The following ODAD2 variants were observed in gnomAD, a reference collection of about 807,000 sequenced individuals.
ODAD2 encodes outer dynein arm-docking complex subunit 2.
Under a neutral mutation model 106.8 loss-of-function variants are expected in ODAD2, and 89 were observed. The ratio of observed to expected loss-of-function variants is 0.83; its 90% CI spans 0.70 to 0.99. ODAD2 has a LOEUF of 0.99. Ranked by LOEUF, ODAD2 falls within the 50% of genes least tolerant of loss-of-function variation. The probability of loss-of-function intolerance (pLI) is 0.00; values close to 1 mark genes in which losing one functional copy is unlikely to be tolerated. For missense variants in ODAD2, 1,168 were observed against 1,238.5 expected, an observed-to-expected ratio of 0.94 and a Z score of 0.85; for synonymous variants, 404 against 436.2, an observed-to-expected ratio of 0.93 and a Z score of 0.92.
chr10:27,881,023 C>T (rs1189770152), intron 17 of ODAD2, among the ~76,000 whole-genome samples: 1 of 152,188 alleles, frequency 6.6e-6, no homozygotes, highest in African/African-American at 2.4e-5. Context: ...CCATCACTAT[C>T]AGCAATGTGG....
intron 16 of ODAD2, among the ~76,000 whole-genome samples, chr10:27,919,297 A>G (rs1844610428): frequency 6.6e-6 from 1 of 152,080 alleles, no homozygotes; most frequent in Admixed American, 6.6e-5. Context: ...GTTTGATCAC[A>G]GACAGTACAG....
In ODAD2 at chr10:27,944,230, T is replaced by C. The variant is rs760262894; in HGVS notation, c.1735A>G (p.Thr579Ala). ...ACATCACGGCTACTCACCAGTTTGG[T>C]GATACCCCCGTGCTGCCTCACCACC... ...RRVVRQHGGI[T>A]KLVALLDCAH... is the part of the protein sequence containing the mutation. Residue 579 changes from threonine (T) to alanine (A), a missense_variant, in exon 12 of 20, where the codon ACC (threonine) becomes GCC (alanine). Transcript: ENST00000305242. 1.2e-6 allele frequency: 2 copies of C among 1,611,556 alleles called. No homozygotes were observed. The highest frequency in any genetic ancestry group is 2.7e-5 in the African/African-American group (2 of 74,858).
intron 17 of ODAD2, among the ~76,000 whole-genome samples, chr10:27,900,467 G>A (rs531857585): frequency 1.3e-5 from 2 of 152,234 alleles, no homozygotes; most frequent in African/African-American, 2.4e-5. Flanking sequence ...TGAGTTTGAC[G>A]AATTGACAGA....
intron 16 of ODAD2, among the ~76,000 whole-genome samples, chr10:27,918,811 T>C (rs1482086711): frequency 2.0e-5 from 3 of 151,190 alleles, no homozygotes; most frequent in South Asian, 2.1e-4. Flanking sequence ...ACAAAAAAAA[T>C]TGGAAAAAAT....
chr10:27,860,565 G>T lies in ODAD2; in HGVS notation c.3021+60C>A, dbSNP rs949817740. 6.4e-5 allele frequency: 97 copies of T among 1,519,878 alleles called. No individual in the cohort carries two copies. The Middle Eastern group carries it at 1.1e-3, about 17-fold the overall frequency. The allele number at this position is 1,519,878 out of a possible 1,614,324, so 94.1% of individuals were successfully genotyped here. On this transcript the variant is annotated intron_variant, in intron 19 of 19. Transcript: ENST00000305242. The stretch of plus-strand genomic sequence containing the variant: ...TTAGAGAAATCTTAGTGATGCCTAA[G>T]TTTCTTTCCAGGCTACATTTACCAA...
intron 17 of ODAD2, among the ~76,000 whole-genome samples, chr10:27,895,041 G>A (rs1174873597): frequency 2.6e-4 from 36 of 136,308 alleles, no homozygotes; most frequent in African/African-American, 4.4e-4. Flanking sequence ...TCATCGGTAC[G>A]AAAAAAAAAA....
chr10:27,889,558 C>T lies in ODAD2; in HGVS notation c.2610+18105G>A, dbSNP rs552629028. On this transcript the variant is annotated intron_variant, in intron 17 of 19. Coordinates refer to ENST00000305242, the MANE Select transcript of ODAD2 (RefSeq NM_018076.5). ...CTCTTAGTCTTATGATCTCATGGGT[C>T]TCTACTGGTGGTGTTGAAGCTCCAC... 2.0e-5 allele frequency among the ~76,000 whole-genome samples: 3 copies of T among 152,194 alleles called. No homozygotes were observed. The South Asian group carries it at 6.2e-4, about 32-fold the overall frequency.
chr10:27,984,869 C>A (rs1588662894), intron 4 of ODAD2, 150 bp downstream of exon 4: 2 of 365,206 alleles, frequency 5.5e-6, no homozygotes, highest in African/African-American at 4.2e-5. Flanking sequence ...TTTAAAGGTT[C>A]CTTTTTAATT....
At chr10:27,859,558 C>G (rs936461221) in intron 19 of ODAD2, among the ~76,000 whole-genome samples, 2 of 151,988 alleles carry the variant, frequency 1.3e-5, no homozygotes, top group African/African-American at 4.8e-5. Context: ...TTTGCTAAAC[C>G]AACAAGTCCA....
intron 11 of ODAD2, 55 bp from the exon 12 acceptor site, chr10:27,944,486 A>G: frequency 6.7e-7 from 1 of 1,499,750 alleles, no homozygotes; most frequent in Non-Finnish European, 9.2e-7. Flanking sequence ...CTATGTTTTT[A>G]AAAATTCCGA....
intron 16 of ODAD2, 47 bp downstream of exon 16, chr10:27,934,963 T>C (rs201330310): frequency 5.5e-5 from 89 of 1,605,600 alleles, no homozygotes; most frequent in Middle Eastern, 5.0e-4. Flanking sequence ...TCCCAAGTGT[T>C]CTCCCTAACA....
In ODAD2 at chr10:27,940,641, C is replaced by T. The variant is rs749398179; in HGVS notation, c.1908G>A (p.Leu636=). The T allele has an allele frequency of 5.6e-6, 9 of 1,613,994 alleles. No individual in the cohort carries two copies. Among genetic ancestry groups the T allele is most frequent in the African/African-American group, 1.3e-5 (1 of 74,904 alleles). The change falls in exon 13 of 20, where the codon CTG becomes CTA. Residue 636 remains leucine (L), a synonymous_variant. Coordinates refer to ENST00000305242, the MANE Select transcript of ODAD2 (RefSeq NM_018076.5). ...GAGAAGTCTTCAGCAGCCGAGCCAA[C>T]AGAGGAATGCCCCCAGCTTTGCGGA... ...EAIRKAGGIP[L]LARLLKTSHE...
intron 19 of ODAD2, among the ~76,000 whole-genome samples, chr10:27,845,349 TC>T (rs1564420518): frequency 6.6e-6 from 1 of 152,048 alleles, no homozygotes; most frequent in Non-Finnish European, 1.5e-5. Context: ...AGAAATAAAA[TC>T]CTTTACAGAT....
At chr10:27,882,173 A>AAAAAG (rs1244028116) in intron 17 of ODAD2, among the ~76,000 whole-genome samples, 18 of 109,746 alleles carry the variant, frequency 1.6e-4, no homozygotes, top group East Asian at 5.1e-4. Flanking sequence ...GTCATAAAAA[A>AAAAAG]AAAGAAAGAA....
intron 17 of ODAD2, among the ~76,000 whole-genome samples, chr10:27,887,994 A>G (rs1196268464): frequency 1.3e-5 from 2 of 152,074 alleles, no homozygotes; most frequent in African/African-American, 4.8e-5. Context: ...TCATGAAGAA[A>G]CAGAAAATCT....
At chr10:27,875,049 T>G (rs910943982) in intron 17 of ODAD2, among the ~76,000 whole-genome samples, 2 of 152,166 alleles carry the variant, frequency 1.3e-5, no homozygotes, top group African/African-American at 4.8e-5. Flanking sequence ...AGGCTTTGTT[T>G]GTTTCTTTTT....
chr10:27,822,943 AACAG>A (rs1836726576), intron 19 of ODAD2, among the ~76,000 whole-genome samples: 1 of 152,162 alleles, frequency 6.6e-6, no homozygotes, highest in African/African-American at 2.4e-5. Context: ...TTAATGCCCA[AACAG>A]ACAGACAGGA....
chr10:27,843,853 C>CA (rs1244651451), intron 19 of ODAD2, among the ~76,000 whole-genome samples: 1 of 151,880 alleles, frequency 6.6e-6, no homozygotes, highest in Admixed American at 6.5e-5. Context: ...TTTGTTTTTT[C>CA]AAAAAATCAC....
chr10:27,865,517 G>A (rs914730019), intron 17 of ODAD2, among the ~76,000 whole-genome samples: 3 of 152,120 alleles, frequency 2.0e-5, no homozygotes, highest in African/African-American at 7.2e-5. Flanking sequence ...TGGGTTAAGT[G>A]GCATCTTCCA....
Sources: gnomAD v4.1 joint callset for allele counts (sites outside exome capture counted in the v4.1 genomes callset) on GRCh38, gnomAD v4.1.1 for gene constraint, MANE v1.5 for transcripts, NCBI Gene and HGNC (gene_info 2026-07-23, HGNC 2026-07-21) for gene names.